Variants in IRX2 observed in about 807,000 individuals in gnomAD.
IRX2 encodes iroquois homeobox 2, also known as iroquois-class homeodomain protein IRX-2.
IRX2 carries 26 observed loss-of-function variants against 42.9 expected under a neutral mutation model. The ratio of observed to expected loss-of-function variants is 0.61; its 90% CI spans 0.44 to 0.84. The LOEUF is 0.84. Among genes scored for constraint, IRX2 ranks in the 40% least tolerant of loss-of-function variants. The pLI, the probability that IRX2 is intolerant of heterozygous loss-of-function variation, is 0.00. For missense variants in IRX2, 782 were observed against 713.9 expected (o/e 1.10, Z -1.09); for synonymous variants, 424 against 353.9 (o/e 1.20, Z -2.22).
the IRX2 span, among the ~76,000 whole-genome samples, chr5:2,740,580 GA>G: frequency 6.6e-6 from 1 of 152,234 alleles, no homozygotes; most frequent in South Asian, 2.1e-4. Context: ...CTGAAGAAAT[GA>G]TTGCAGCTGC....
In IRX2 at chr5:2,747,589, C is replaced by T; in HGVS notation, c.1391G>A (p.Gly464Asp). The T allele has an allele frequency of 1.2e-6, 2 of 1,614,066 alleles. No individual in the cohort carries two copies. Among genetic ancestry groups the T allele is most frequent in the Non-Finnish European group, 1.7e-6 (2 of 1,179,990 alleles). ...KDASEGCTVV[G>D]GGVQPYL Reference sequence around the variant, plus strand: ...CTATAGGTAGGGCTGGACGCCCCCGCCAACCACGGTGCAGCCCTCGCTGGC... The same window carrying T: ...CTATAGGTAGGGCTGGACGCCCCCGTCAACCACGGTGCAGCCCTCGCTGGC... Residue 464 changes from glycine (G) to aspartate (D), a missense_variant, in exon 4 of 4, where the codon GGC (glycine) becomes GAC (aspartate). Gly to Asp is a moderately conservative substitution (Grantham distance 94, BLOSUM62 -1). This residue lies in a region of IRX2 where 520 missense variants were observed against 437.8 expected (regional missense o/e 1.19). Transcript: ENST00000302057.
At chr5:2,747,765 T>C in intron 3 of IRX2, 149 bp from the exon 4 acceptor site, 1 of 694,264 alleles carries the variant, frequency 1.4e-6, no homozygotes, top group Non-Finnish European at 2.5e-6. Context: ...CGACTTTTGG[T>C]GATGGTCCCT....
At chr5:2,744,252 A>G (rs1737610094), downstream of IRX2, among the ~76,000 whole-genome samples, 1 of 152,198 alleles carries the variant, frequency 6.6e-6, no homozygotes, top group South Asian at 2.1e-4. Flanking sequence ...CTACTCTCAC[A>G]CTTAAGAAAT....
At chr5:2,736,884 C>T in the IRX2 span, 1 of 152,212 alleles carries the variant, frequency 6.6e-6, no homozygotes. Flanking sequence ...TGATTTCTCT[C>T]ATTTGAAAAC....
Position 2,748,766 on chromosome 5 carries a change from G to A in IRX2, c.942C>T (p.Ser314=), listed in dbSNP as rs1435317789. 63 of 1,369,540 alleles carry A rather than the reference G, an allele frequency of 4.6e-5. No individual in the cohort carries two copies. The highest frequency in any genetic ancestry group is 5.5e-5 in the Non-Finnish European group (59 of 1,071,154). 84.8% of individuals were successfully genotyped at this position (1,369,540 alleles called of 1,614,324 possible). Residue 314 remains serine, a synonymous_variant, in exon 3 of 4, where the codon AGC becomes AGT. Coordinates refer to ENST00000302057, the MANE Select transcript of IRX2 (RefSeq NM_033267.5). ...GGGGCGGCGCGCCCGGAGACGTCCG[G>A]CTGCCCTGGGGCGTCTTGCGGCCAC... ...PRGGRKTPQG[S]RTSPGAPPPA...
chr5:2,738,709 A>C, the IRX2 span, among the ~76,000 whole-genome samples: 1 of 146,292 alleles, frequency 6.8e-6, no homozygotes, highest in Non-Finnish European at 1.5e-5. Context: ...GACCCTCACC[A>C]CCCCCAGCCG....
At chr5:2,750,898 A>G (rs1737931636) in intron 1 of IRX2, among the ~76,000 whole-genome samples, 1 of 152,078 alleles carries the variant, frequency 6.6e-6, no homozygotes, top group Non-Finnish European at 1.5e-5. Flanking sequence ...CCAGGCTCTC[A>G]GAGAAAATCA....
chr5:2,748,933 T>C lies in IRX2; in HGVS notation c.775A>G (p.Lys259Glu). Residue 259 changes from lysine to glutamate, a missense_variant, in exon 3 of 4, where the codon AAG (lysine) becomes GAG (glutamate). Transcript: ENST00000302057. Reference protein sequence around the residue: ...LCESGSECKDKYDDLEDDEDD... With the variant: ...LCESGSECKDEYDDLEDDEDD... ...TCGTCGTCCTCCAGGTCGTCATACTTGTCCTTGCACTCCGAGCCCGATTCG... is the reference window on the plus strand; with the variant it reads ...TCGTCGTCCTCCAGGTCGTCATACTCGTCCTTGCACTCCGAGCCCGATTCG... 2 of 1,596,816 alleles carry C rather than the reference T, an allele frequency of 1.3e-6. No homozygotes were observed. The highest frequency in any genetic ancestry group is 2.2e-5 in the East Asian group (1 of 44,740).
the IRX2 span, among the ~76,000 whole-genome samples, chr5:2,740,499 G>A: frequency 6.6e-6 from 1 of 152,190 alleles, no homozygotes; most frequent in Non-Finnish European, 1.5e-5. Context: ...GCAGAAATGG[G>A]CCTAGAGGTG....
Position 2,749,069 on chromosome 5 carries a change from A to C in IRX2, c.656-17T>G. On this transcript the variant is annotated splice_polypyrimidine_tract_variant and intron_variant, in intron 2 of 3. Transcript: ENST00000302057. ...GGCTGATCCCTGTGGGGGCGCGGGC[A>C]CGGTGGGTGGCACGAGGGGACAGCG... 1 of 1,593,516 alleles carries C rather than the reference A, an allele frequency of 6.3e-7. No individual in the cohort carries two copies. The highest frequency in any genetic ancestry group is 8.5e-7 in the Non-Finnish European group (1 of 1,177,838).
intron 1 of IRX2, among the ~76,000 whole-genome samples, chr5:2,750,853 G>C (rs1737929031): frequency 6.6e-6 from 1 of 152,200 alleles, no homozygotes; most frequent in Non-Finnish European, 1.5e-5. Flanking sequence ...AGGGACAAAC[G>C]GCGCCAGACC....
Position 2,749,404 on chromosome 5 carries a change from C to T in IRX2, c.633G>A (p.Thr211=). The T allele has an allele frequency of 1.9e-6, 3 of 1,612,616 alleles. No individual in the cohort carries two copies. Among genetic ancestry groups the T allele is most frequent in the Non-Finnish European group, 2.5e-6 (3 of 1,179,460 alleles). Residue 211 remains threonine, a synonymous_variant, in exon 2 of 4, where the codon ACG becomes ACA. Transcript: ENST00000302057. The stretch of plus-strand genomic sequence containing the variant: ...CACCTTCGTCCTCTGCCGAGGTCTC[C>T]GTGCCCTCCTGCGCCTTGTCGGGAC... The part of the protein sequence containing the change: ...DESPDKAQEG[T]ETSAEDEGIS...
In IRX2 at chr5:2,749,375, C is replaced by G. The variant is rs758564857; in HGVS notation, c.655+7G>C. On this transcript the variant is annotated splice_region_variant and intron_variant, in intron 2 of 3. Transcript: ENST00000302057. ...CCGAGACCTTGCGCCGGCCGCTGCC[C>G]GCTCACCTTCGTCCTCTGCCGAGGT... 18 of 1,587,978 alleles carry G rather than the reference C, an allele frequency of 1.1e-5. No individual in the cohort carries two copies. The highest frequency in any genetic ancestry group is 1.5e-5 in the Non-Finnish European group (18 of 1,167,822).
intron 3 of IRX2, 112 bp from the exon 4 acceptor site, chr5:2,747,728 G>T: frequency 1.9e-6 from 2 of 1,070,086 alleles, no homozygotes; most frequent in South Asian, 2.7e-5. Context: ...TTGGGAAACC[G>T]ACTGTCTCCA....
chr5:2,748,769 G>T lies in IRX2; in HGVS notation c.939C>A (p.Gly313=). 7.1e-7 allele frequency: 1 copy of T among 1,401,078 alleles called. No homozygotes were observed. 86.8% of individuals were successfully genotyped at this position (1,401,078 alleles called of 1,614,324 possible). A position where few individuals can be genotyped will look rare whatever the true frequency, so the allele number is the denominator to read the frequency against. Residue 313 remains glycine, a synonymous_variant, in exon 3 of 4, where the codon GGC becomes GGA. Coordinates refer to ENST00000302057, the MANE Select transcript of IRX2 (RefSeq NM_033267.5). The stretch of plus-strand genomic sequence containing the variant: ...GCGGCGCGCCCGGAGACGTCCGGCT[G>T]CCCTGGGGCGTCTTGCGGCCACCGC... ...APRGGRKTPQ[G]SRTSPGAPPP...
rs963088916 is a variant in IRX2 at position 2,748,423 on chromosome 5, T to C, written c.1285A>G (p.Ser429Gly). Residue 429 changes from serine to glycine, a missense_variant, in exon 3 of 4, where the codon AGC becomes GGC. Physicochemically the swap from Ser to Gly is moderately conservative, Grantham distance 56. This residue lies in a region of IRX2 where 520 missense variants were observed against 437.8 expected (regional missense o/e 1.19). Transcript: ENST00000302057. ...TGCGCGCCCGCCTTGCCCGCGTCGC[T>C]GGCCGCCTTTGGCGCGGTGTGCAGG... Reference protein sequence around the residue: ...EALHTAPKAASDAGKAGAHPL... With the variant: ...EALHTAPKAAGDAGKAGAHPL... The C allele has an allele frequency of 3.3e-6, 5 of 1,526,472 alleles. No homozygotes were observed. In the African/African-American group the frequency reaches 5.7e-5, roughly 18 times the overall value. 94.6% of individuals were successfully genotyped at this position (1,526,472 alleles called of 1,614,324 possible).
chr5:2,740,661 C>A, the IRX2 span, among the ~76,000 whole-genome samples: 2 of 152,152 alleles, frequency 1.3e-5, no homozygotes, highest in African/African-American at 4.8e-5. Flanking sequence ...GCTTCTGCCC[C>A]TCAAGACTCC....
At chr5:2,749,823 G>A (rs1287172296) in intron 1 of IRX2, 36 bp from the exon 2 acceptor site, 2 of 1,544,424 alleles carry the variant, frequency 1.3e-6, no homozygotes, top group Non-Finnish European at 1.7e-6. Context: ...GGAGTATGCG[G>A]AGACCCCGCG....
At chr5:2,744,073 CGTGTGT>C (rs10547927), downstream of IRX2, among the ~76,000 whole-genome samples, 24,317 of 139,928 alleles carry the variant, frequency 0.17, 2,045 homozygotes, top group African/African-American at 0.2. Context: ...AGAATGGAGT[CGTGTGT>C]GTGTGTGTGT....
Sources: allele counts gnomAD v4.1 joint callset (sites outside exome capture counted in the v4.1 genomes callset), GRCh38; gene constraint gnomAD v4.1.1; regional missense constraint gnomAD v4.1.1; transcripts MANE v1.5; gene names NCBI Gene and HGNC (gene_info 2026-07-23, HGNC 2026-07-21).